Variants in VNN2 observed in about 807,000 individuals in gnomAD.
VNN2 encodes vanin 2.
Under a neutral mutation model 43.0 loss-of-function variants are expected in VNN2, and 43 were observed. The observed-to-expected ratio is 1.00, with a 90% CI of 0.78 to 1.29. The LOEUF is 1.29. Among genes scored for constraint, VNN2 ranks in the 50% most tolerant of loss-of-function variants. The probability of loss-of-function intolerance (pLI) is 0.00; values close to 1 mark genes in which losing one functional copy is unlikely to be tolerated. For missense variants in VNN2, 652 were observed against 619.7 expected (o/e 1.05, Z -0.55); for synonymous variants, 230 against 224.3 (o/e 1.03, Z -0.23).
intron 6 of VNN2, among the ~76,000 whole-genome samples, chr6:132,746,625 C>A (rs563670103): frequency 6.6e-6 from 1 of 152,170 alleles, no homozygotes; most frequent in African/African-American, 2.4e-5. Flanking sequence ...AGAGAAGAAT[C>A]ACATTGCCTC....
At chr6:132,749,149 T>C (rs1460340014) in intron 6 of VNN2, among the ~76,000 whole-genome samples, 1 of 152,188 alleles carries the variant, frequency 6.6e-6, no homozygotes, top group East Asian at 1.9e-4. Context: ...CCTTGACCCA[T>C]GTCCTTTTGC....
At chr6:132,758,670 T>C (rs533854470), upstream of VNN2, among the ~76,000 whole-genome samples, 30 of 152,250 alleles carry the variant, frequency 2.0e-4, no homozygotes, top group South Asian at 4.1e-4. Flanking sequence ...GGGAAAATAT[T>C]AAATACTTAC....
chr6:132,746,200 C>A (rs1779705702), intron 6 of VNN2, among the ~76,000 whole-genome samples: 1 of 152,196 alleles, frequency 6.6e-6, no homozygotes, highest in African/African-American at 2.4e-5. Flanking sequence ...GCCTAAGGTG[C>A]TAAAGCAAGA....
At chr6:132,751,001 T>G in intron 5 of VNN2, 144 bp downstream of exon 5, 1 of 954,822 alleles carries the variant, frequency 1.0e-6, no homozygotes, top group Non-Finnish European at 1.6e-6. Flanking sequence ...TGCACGTGTG[T>G]GTGTGTGTGT....
chr6:132,751,571 A>G, intron 4 of VNN2, 53 bp from the exon 5 acceptor site: 1 of 1,546,090 alleles, frequency 6.5e-7, no homozygotes, highest in Non-Finnish European at 8.7e-7. Flanking sequence ...AAAAAAACCA[A>G]AACTGCCAAT....
At position 132,757,852 on chromosome 6, in the gene VNN2, G is replaced by A. The variant is rs1003902337; in HGVS notation, c.32C>T (p.Ala11Val). The A allele has an allele frequency of 4.3e-6, 7 of 1,613,764 alleles. No homozygotes were observed. In the African/African-American group the frequency reaches 5.3e-5, roughly 12 times the overall value. The change falls in exon 1 of 7, where the codon GCA (alanine) becomes GTA (valine). Residue 11 changes from alanine to valine, a missense_variant. By Grantham distance (64) the Ala-to-Val change is moderately conservative (BLOSUM62 0). Transcript: ENST00000326499. ...CTGCAGGGTTATTAGGGCAAAAACT[G>A]CCACAGAGATTGGAAAAGAGGAAGT... MVTSSFPISV[A>V]VFALITLQVG... is the part of the protein sequence containing the mutation.
At position 132,755,838 on chromosome 6, in the gene VNN2, C is replaced by T. The variant is rs772493827; in HGVS notation, c.537+5G>A. 1 of 1,608,776 alleles carries T rather than the reference C, an allele frequency of 6.2e-7. No homozygotes were observed. Among genetic ancestry groups the T allele is most frequent in the South Asian group, 1.1e-5 (1 of 90,318 alleles). ...CCATTTTACACGTCCGTCACTCTCT[C>T]TTACCTTATGGTAACGTGCCACGAG... On this transcript the variant is annotated splice_donor_5th_base_variant and intron_variant, in intron 3 of 6. Transcript: ENST00000326499.
chr6:132,749,725 G>C lies in VNN2; in HGVS notation c.1341C>G (p.Thr447=). The C allele has an allele frequency of 6.2e-7, 1 of 1,612,786 alleles. No individual in the cohort carries two copies. Among genetic ancestry groups the C allele is most frequent in the Non-Finnish European group, 8.5e-7 (1 of 1,179,582 alleles). ...TEYVFPEVLL[T]EIHLSPGKFE... Reference sequence around the variant, plus strand: ...ATTTTCCAGGTGACAGATGAATTTCGGTAAGTAGCACTTCAGGAAAAACAT... The same window carrying C: ...ATTTTCCAGGTGACAGATGAATTTCCGTAAGTAGCACTTCAGGAAAAACAT... The change falls in exon 6 of 7, where the codon ACC becomes ACG. Residue 447 remains threonine, a synonymous_variant. Transcript: ENST00000326499.
chr6:132,752,764 T>C lies in VNN2; in HGVS notation c.538-15A>G. The stretch of plus-strand genomic sequence containing the variant: ...TACAGGTGGTACTACAACAAATGGA[T>C]AGGAGAAAACCAGTAAAACCTTATT... On this transcript the variant is annotated splice_polypyrimidine_tract_variant and intron_variant, in intron 3 of 6. Transcript: ENST00000326499. 1.9e-6 allele frequency: 3 copies of C among 1,601,876 alleles called. No homozygotes were observed. Among genetic ancestry groups the C allele is most frequent in the Non-Finnish European group, 1.7e-6 (2 of 1,174,386 alleles).
upstream of VNN2, among the ~76,000 whole-genome samples, chr6:132,761,532 C>T (rs1016476933): frequency 7.2e-5 from 11 of 151,952 alleles, no homozygotes; most frequent in South Asian, 6.2e-4. Flanking sequence ...TGGTGGCAGA[C>T]GCCTGTAATC....
upstream of VNN2, among the ~76,000 whole-genome samples, chr6:132,762,873 G>T (rs1357223150): frequency 6.6e-6 from 1 of 152,160 alleles, no homozygotes. Context: ...TCCTGTCTCA[G>T]AAACTTAGGG....
upstream of VNN2, among the ~76,000 whole-genome samples, chr6:132,758,664 A>G (rs1780645713): frequency 6.7e-6 from 1 of 149,884 alleles, no homozygotes; most frequent in South Asian, 2.1e-4. Context: ...ACGGGGGGGA[A>G]AATATTAAAT....
chr6:132,744,353 G>C lies in VNN2; in HGVS notation c.1510C>G (p.Leu504Val). The C allele has an allele frequency of 6.2e-7, 1 of 1,612,742 alleles. No individual in the cohort carries two copies. Among genetic ancestry groups the C allele is most frequent in the African/African-American group, 1.3e-5 (1 of 74,888 alleles). ...ATGATCATTAATAATATGAATATTA[G>C]CAGGTAAGTTATTGCTGAATTGCTG... The part of the protein sequence containing the change: ...GTSNSAITYL[L>V]IFILLMIIAL... The change falls in exon 7 of 7, where the codon CTA (leucine) becomes GTA (valine). Residue 504 changes from leucine to valine, a missense_variant. Physicochemically the swap from Leu to Val is conservative, Grantham distance 32 (BLOSUM62 1). Coordinates refer to ENST00000326499, the MANE Select transcript of VNN2 (RefSeq NM_004665.6).
upstream of VNN2, chr6:132,757,981 C>T: frequency 4.1e-6 from 3 of 731,104 alleles, no homozygotes; most frequent in South Asian, 1.1e-4. Context: ...AGTTACTGGC[C>T]TTTTACTTTA....
upstream of VNN2, among the ~76,000 whole-genome samples, chr6:132,759,438 CAAAA>C (rs58195059): frequency 7.7e-4 from 53 of 69,164 alleles, no homozygotes; most frequent in African/African-American, 2.5e-3. Flanking sequence ...AACTCCGTCT[CAAAA>C]AAAAAAAAAA....
chr6:132,747,445 C>A (rs912273023), intron 6 of VNN2, among the ~76,000 whole-genome samples: 5 of 151,906 alleles, frequency 3.3e-5, no homozygotes, highest in Non-Finnish European at 5.9e-5. Context: ...GGTGAAACCC[C>A]ATCTCCACCA....
At chr6:132,746,647 G>C (rs1292573680) in intron 6 of VNN2, among the ~76,000 whole-genome samples, 1 of 151,984 alleles carries the variant, frequency 6.6e-6, no homozygotes, top group East Asian at 1.9e-4. Context: ...GGCTTCTGTG[G>C]GTTCTTGGAA....
intron 6 of VNN2, among the ~76,000 whole-genome samples, chr6:132,746,330 A>T (rs1779715866): frequency 6.6e-6 from 1 of 152,230 alleles, no homozygotes; most frequent in African/African-American, 2.4e-5. Flanking sequence ...TGATCCTCTA[A>T]GATAACGTGT....
Position 132,748,210 on chromosome 6 carries a change from A to G in VNN2, c.1371+1485T>C, listed in dbSNP as rs553499083. The stretch of plus-strand genomic sequence containing the variant: ...CTCAGATAGATATTTATGTCAGTCC[A>G]GCCACCTTTTAGCTACTGGATTTTA... On this transcript the variant is annotated intron_variant, in intron 6 of 6. Coordinates refer to ENST00000326499, the MANE Select transcript of VNN2 (RefSeq NM_004665.6). Among the ~76,000 whole-genome samples, 6 of 152,308 alleles carry G rather than the reference A, an allele frequency of 3.9e-5. No individual in the cohort carries two copies. In the South Asian group the frequency reaches 1.2e-3, roughly 32 times the overall value.
Sources: allele counts gnomAD v4.1 joint callset (sites outside exome capture counted in the v4.1 genomes callset), GRCh38; gene constraint gnomAD v4.1.1; transcripts MANE v1.5; gene names NCBI Gene and HGNC (gene_info 2026-07-23, HGNC 2026-07-21).